The following NMBR variants were observed in gnomAD, a reference collection of about 807,000 sequenced individuals.
The protein encoded by NMBR is neuromedin-B receptor.
A neutral mutation model predicts 20.5 loss-of-function variants in NMBR; 16 were observed. The ratio of observed to expected loss-of-function variants is 0.78; its 90% CI spans 0.53 to 1.19. The LOEUF (loss-of-function observed/expected upper bound fraction) is 1.19, where lower values mean the gene tolerates loss of function less well. NMBR is among the 50% of genes most tolerant of loss of function. The pLI is 0.00. For synonymous variants in NMBR, 212 were observed against 196.6 expected (o/e 1.08, Z -0.65); for missense variants, 582 against 499.1 (o/e 1.17, Z -1.58).
chr6:142,146,116 GGAA>G (rs1475801452), intron 1 of NMBR, among the ~76,000 whole-genome samples: 1 of 152,150 alleles, frequency 6.6e-6, no homozygotes, highest in Non-Finnish European at 1.5e-5. Context: ...CTGAGATTGG[GGAA>G]GAAGACAGAA....
rs1329668903 is a variant in NMBR, at chr6:142,147,056, C to G, written c.-676G>C. The G allele has an allele frequency of 2.9e-5, 16 of 560,164 alleles. No individual in the cohort carries two copies. Among genetic ancestry groups the G allele is most frequent in the East Asian group, 2.5e-4 (9 of 35,552 alleles). The allele number at this position is 560,164 out of a possible 1,614,324, so 34.7% of individuals were successfully genotyped here. A position where few individuals can be genotyped will look rare whatever the true frequency, so the allele number is the denominator to read the frequency against. ...CCCTTCCTCCTACCAGCAGAGAGCG[C>G]TAGCGCCATGCGCGGCATAAGCGCC... is the stretch of plus-strand genomic sequence containing the variant. On this transcript the variant is annotated 5_prime_UTR_variant, in exon 1 of 4. Transcript: ENST00000258042.
chr6:142,087,891 A>G (rs1251702925), intron 2 of NMBR, among the ~76,000 whole-genome samples: 1 of 152,210 alleles, frequency 6.6e-6, no homozygotes, highest in Non-Finnish European at 1.5e-5. Context: ...CACACACAGA[A>G]AGCTTCAACA....
At chr6:142,110,927 CG>C (rs1777751667) in intron 1 of NMBR, among the ~76,000 whole-genome samples, 2 of 152,028 alleles carry the variant, frequency 1.3e-5, no homozygotes, top group African/African-American at 2.4e-5. Flanking sequence ...AAAATAAAAT[CG>C]AATTAGACAT....
chr6:142,075,362 T>C lies in NMBR; in HGVS notation c.*286A>G, dbSNP rs535304395. 1.3e-3 allele frequency among the ~76,000 whole-genome samples: 202 copies of C among 152,218 alleles called. No homozygotes were observed. Among genetic ancestry groups the C allele is most frequent in the African/African-American group, 4.6e-3 (190 of 41,534 alleles). On this transcript the variant is annotated 3_prime_UTR_variant, in exon 4 of 4. Transcript: ENST00000258042. ...GCATTGGTTTGGGGATCATCTTAAA[T>C]GTGAAATATATATAATGTACATGTG... is the stretch of plus-strand genomic sequence containing the variant.
At chr6:142,077,068 AC>A (rs1306795968) in intron 3 of NMBR, among the ~76,000 whole-genome samples, 1 of 152,218 alleles carries the variant, frequency 6.6e-6, no homozygotes, top group African/African-American at 2.4e-5. Flanking sequence ...AAGTTAGGCA[AC>A]CCAACAATCA....
Position 142,078,726 on chromosome 6 carries a change from T to C in NMBR, c.600A>G (p.Pro200=). ...LDNSSFTACI[P]YPQTDELHPK... ...GATGTAATTCATCTGTTTGAGGGTA[T>C]GGGATACATGCTGTGAAGCTGCTAT... Residue 200 remains proline (P), a synonymous_variant, in exon 3 of 4, where the codon CCA becomes CCG. Coordinates refer to ENST00000258042, the MANE Select transcript of NMBR (RefSeq NM_002511.4). 1 of 1,614,076 alleles carries C rather than the reference T, an allele frequency of 6.2e-7. No individual in the cohort carries two copies. Among genetic ancestry groups the C allele is most frequent in the Non-Finnish European group, 8.5e-7 (1 of 1,180,012 alleles).
chr6:142,134,779 A>G, intron 1 of NMBR: 1 of 692,790 alleles, frequency 1.4e-6, no homozygotes, highest in Non-Finnish European at 2.6e-6. Context: ...AAACATGATT[A>G]TAAGATGCAT....
chr6:142,077,407 G>T (rs1237500369), intron 3 of NMBR, among the ~76,000 whole-genome samples: 4 of 152,146 alleles, frequency 2.6e-5, no homozygotes, highest in Non-Finnish European at 4.4e-5. Flanking sequence ...GAGATACACA[G>T]GGCTCAAATT....
chr6:142,109,105 G>A (rs1777714064), intron 1 of NMBR, among the ~76,000 whole-genome samples: 1 of 152,200 alleles, frequency 6.6e-6, no homozygotes, highest in South Asian at 2.1e-4. Flanking sequence ...GCTTTGCAGG[G>A]TACAGCTCCC....
chr6:142,124,972 G>T (rs1455838571), intron 1 of NMBR, among the ~76,000 whole-genome samples: 1 of 151,866 alleles, frequency 6.6e-6, no homozygotes, highest in Non-Finnish European at 1.5e-5. Flanking sequence ...AACATGATTG[G>T]TTGTTGACCC....
intron 3 of NMBR, among the ~76,000 whole-genome samples, chr6:142,076,346 G>A (rs1776948035): frequency 6.6e-6 from 1 of 151,938 alleles, no homozygotes; most frequent in African/African-American, 2.4e-5. Context: ...ATGTCTCATT[G>A]TGTGTAACAT....
intron 2 of NMBR, among the ~76,000 whole-genome samples, chr6:142,079,150 G>GGAAGAAAA (rs1777040436): frequency 1.3e-5 from 1 of 77,022 alleles, no homozygotes; most frequent in Non-Finnish European, 2.4e-5. Context: ...AGAAAAAGAA[G>GGAAGAAAA]AGAGGAGAGG....
At chr6:142,127,674 A>G (rs1026962919) in intron 1 of NMBR, among the ~76,000 whole-genome samples, 1 of 151,560 alleles carries the variant, frequency 6.6e-6, no homozygotes, top group Non-Finnish European at 1.5e-5. Flanking sequence ...AGTGTTTTAT[A>G]ATTTTCATTG....
intron 1 of NMBR, among the ~76,000 whole-genome samples, chr6:142,110,373 T>C (rs1402322284): frequency 1.3e-5 from 2 of 152,156 alleles, no homozygotes; most frequent in African/African-American, 4.8e-5. Flanking sequence ...ATTCATACAA[T>C]GGAATATTGG....
intron 1 of NMBR, among the ~76,000 whole-genome samples, chr6:142,110,320 A>G (rs1777739701): frequency 6.6e-6 from 1 of 152,216 alleles, no homozygotes; most frequent in South Asian, 2.1e-4. Flanking sequence ...AAACAACCCA[A>G]AAGTCCAATC....
intron 1 of NMBR, among the ~76,000 whole-genome samples, chr6:142,091,848 C>T (rs1386718802): frequency 1.3e-5 from 2 of 152,128 alleles, no homozygotes; most frequent in Admixed American, 6.5e-5. Context: ...TATTTTATTG[C>T]CCTAGTACAG....
At chr6:142,097,873 T>C (rs373259592) in intron 1 of NMBR, among the ~76,000 whole-genome samples, 1 of 151,956 alleles carries the variant, frequency 6.6e-6, no homozygotes, top group East Asian at 1.9e-4. Flanking sequence ...AAGACATACA[T>C]TAAATTTTAC....
chr6:142,124,118 A>G (rs1181981307), intron 1 of NMBR, among the ~76,000 whole-genome samples: 2 of 151,986 alleles, frequency 1.3e-5, no homozygotes, highest in Non-Finnish European at 2.9e-5. Context: ...AATATTTGAA[A>G]AAATAATGGC....
At chr6:142,143,485 T>C (rs911053289) in intron 1 of NMBR, among the ~76,000 whole-genome samples, 1 of 152,190 alleles carries the variant, frequency 6.6e-6, no homozygotes, top group African/African-American at 2.4e-5. Flanking sequence ...GGTTTCTCCA[T>C]GTTGGCCAGG....
Sources: gnomAD v4.1 joint callset for allele counts (sites outside exome capture counted in the v4.1 genomes callset) on GRCh38, gnomAD v4.1.1 for gene constraint, MANE v1.5 for transcripts, NCBI Gene and HGNC (gene_info 2026-07-23, HGNC 2026-07-21) for gene names.